KCNIP4: variants seen among roughly 807,000 people sequenced by gnomAD.
KCNIP4 encodes the protein Kv channel-interacting protein 4.
Under a neutral mutation model 34.0 loss-of-function variants are expected in KCNIP4, and 12 were observed. That is an observed-to-expected ratio of 0.35 (90% CI 0.23 to 0.57). KCNIP4 has a LOEUF of 0.57. KCNIP4 is among the 20% of genes least tolerant of loss of function. The pLI is 0.83. For missense variants in KCNIP4, 238 were observed against 311.7 expected, an observed-to-expected ratio of 0.76 and a Z score of 1.78; for synonymous variants, 124 against 102.2, an observed-to-expected ratio of 1.21 and a Z score of -1.29.
chr4:21,294,660 T>C (rs1763736034), intron 1 of KCNIP4, among the ~76,000 whole-genome samples: 1 of 152,174 alleles, frequency 6.6e-6, no homozygotes, highest in South Asian at 2.1e-4. Context: ...TTATAGATAA[T>C]GTAATTATTA....
chr4:20,734,362 A>T (rs181057063), intron 6 of KCNIP4, among the ~76,000 whole-genome samples: 1 of 152,110 alleles, frequency 6.6e-6, no homozygotes, highest in Non-Finnish European at 1.5e-5. Flanking sequence ...TCTGATTCCA[A>T]CCATGATCTT....
chr4:21,075,058 C>G (rs1187827639), intron 1 of KCNIP4, among the ~76,000 whole-genome samples: 2 of 152,096 alleles, frequency 1.3e-5, no homozygotes, highest in Non-Finnish European at 2.9e-5. Context: ...TTACTTCCAA[C>G]TATGTGGTCA....
chr4:21,762,994 GACAGCACTTGGTAC>G, intron 1 of KCNIP4: 1 of 1,288,806 alleles, frequency 7.8e-7, no homozygotes, highest in Non-Finnish European at 1.0e-6. Flanking sequence ...TCTTGTCAAG[GACAGCACTTGGTAC>G]ACAGCGAATG....
rs149888807 is a variant in KCNIP4 at position 21,859,049 on chromosome 4, C to T, written c.61+89522G>A. Among the ~76,000 whole-genome samples the T allele has an allele frequency of 2.8e-3, 421 of 152,244 alleles. 3 individuals are homozygous for T. Among genetic ancestry groups the T allele is most frequent in the South Asian group, 0.012 (56 of 4,824 alleles). On this transcript the variant is annotated intron_variant, in intron 1 of 8. Transcript: ENST00000382152. ...AGCAAAATCAGACACAAGGAAGATC[C>T]TCGAAATCACTGCTCTTAGATAAGG...
intron 1 of KCNIP4, among the ~76,000 whole-genome samples, chr4:21,589,151 G>GGTGT (rs200800063): frequency 4.3e-5 from 4 of 93,254 alleles, no homozygotes; most frequent in African/African-American, 8.3e-5. Flanking sequence ...CAAAAATGGA[G>GGTGT]GTGTGTATAT....
intron 1 of KCNIP4, among the ~76,000 whole-genome samples, chr4:20,958,916 A>T (rs893985865): frequency 5.9e-5 from 9 of 152,204 alleles, no homozygotes; most frequent in African/African-American, 2.2e-4. Context: ...GAAAAAATTG[A>T]CATTGCTGAG....
intron 1 of KCNIP4, among the ~76,000 whole-genome samples, chr4:20,914,512 G>A (rs1728622055): frequency 6.6e-6 from 1 of 152,154 alleles, no homozygotes; most frequent in Non-Finnish European, 1.5e-5. Context: ...TTTCAGAACT[G>A]TGGGAAATAA....
chr4:21,003,364 G>T (rs1396395936), intron 1 of KCNIP4, among the ~76,000 whole-genome samples: 7 of 152,180 alleles, frequency 4.6e-5, no homozygotes, highest in Non-Finnish European at 2.9e-5. Flanking sequence ...TCTGTGAACA[G>T]TGTGATTCCT....
intron 1 of KCNIP4, among the ~76,000 whole-genome samples, chr4:21,767,000 AGT>A (rs1718462237): frequency 1.3e-5 from 2 of 152,142 alleles, no homozygotes; most frequent in South Asian, 4.1e-4. Flanking sequence ...TTTGAGATCA[AGT>A]GTCAGGTAGT....
At chr4:20,897,481 T>C (rs1411386095) in intron 1 of KCNIP4, among the ~76,000 whole-genome samples, 1 of 152,192 alleles carries the variant, frequency 6.6e-6, no homozygotes, top group East Asian at 1.9e-4. Context: ...GGTTGGCTAA[T>C]GTTATAGCCT....
chr4:21,415,200 G>A (rs1340220958), intron 1 of KCNIP4, among the ~76,000 whole-genome samples: 1 of 151,976 alleles, frequency 6.6e-6, no homozygotes, highest in East Asian at 1.9e-4. Context: ...GTTACAGAAA[G>A]ACAAATACTG....
chr4:20,933,794 T>C (rs1415534236), intron 1 of KCNIP4, among the ~76,000 whole-genome samples: 1 of 151,866 alleles, frequency 6.6e-6, no homozygotes, highest in Non-Finnish European at 1.5e-5. Flanking sequence ...AATTACTTCA[T>C]AATGTTCACA....
chr4:21,502,036 C>T (rs998043782), intron 1 of KCNIP4, among the ~76,000 whole-genome samples: 2 of 151,464 alleles, frequency 1.3e-5, no homozygotes, highest in Non-Finnish European at 2.9e-5. Context: ...CACAATCACC[C>T]AATGCAGGCA....
intron 1 of KCNIP4, among the ~76,000 whole-genome samples, chr4:21,876,563 C>T (rs1247516994): frequency 2.0e-5 from 3 of 151,854 alleles, no homozygotes; most frequent in African/African-American, 4.8e-5. Context: ...TGGGGCTGTT[C>T]GAGTGGAATT....
chr4:21,153,957 C>A (rs1380640454), intron 1 of KCNIP4, among the ~76,000 whole-genome samples: 1 of 151,174 alleles, frequency 6.6e-6, no homozygotes, highest in Non-Finnish European at 1.5e-5. Context: ...ACACTGGTCA[C>A]CAAATTGAAG....
chr4:21,052,900 C>T (rs1297796354), intron 1 of KCNIP4, among the ~76,000 whole-genome samples: 1 of 151,712 alleles, frequency 6.6e-6, no homozygotes, highest in African/African-American at 2.4e-5. Flanking sequence ...TGTGCATTTG[C>T]TCATGAATAT....
intron 1 of KCNIP4, among the ~76,000 whole-genome samples, chr4:21,784,142 G>T (rs1218103476): frequency 1.3e-5 from 2 of 151,190 alleles, no homozygotes; most frequent in East Asian, 3.9e-4. Flanking sequence ...GCGGTGGGGG[G>T]TGGGGTCGAA....
At chr4:21,541,196 A>AAAAAAAAAAAAAAAAAAAAG (rs1491503333) in intron 1 of KCNIP4, among the ~76,000 whole-genome samples, 1 of 146,750 alleles carries the variant, frequency 6.8e-6, no homozygotes, top group African/African-American at 2.7e-5. Flanking sequence ...AAAAAAAAAA[A>AAAAAAAAAAAAAAAAAAAAG]AGAGAGAGAG....
intron 1 of KCNIP4, among the ~76,000 whole-genome samples, chr4:21,604,527 C>T (rs144247596): frequency 0.019 from 2,877 of 152,060 alleles, 52 homozygotes; most frequent in Middle Eastern, 0.068. Context: ...ATATATTTTG[C>T]TCCTCAAATG....
Sources: allele counts gnomAD v4.1 joint callset (sites outside exome capture counted in the v4.1 genomes callset), GRCh38; gene constraint gnomAD v4.1.1; transcripts MANE v1.5; gene names NCBI Gene and HGNC (gene_info 2026-07-23, HGNC 2026-07-21).